Variants in SGK3 observed in about 807,000 individuals in gnomAD.
SGK3 encodes the protein serum/glucocorticoid regulated kinase family member 3, also known as serine/threonine-protein kinase Sgk3.
In SGK3, 47 loss-of-function variants were observed where a neutral mutation model predicts 68.5. The observed-to-expected ratio is 0.69, with a 90% CI of 0.54 to 0.87. The LOEUF is 0.87. Ranked by LOEUF, SGK3 falls within the 40% of genes least tolerant of loss-of-function variation. The pLI is 0.00. For synonymous variants in SGK3, 181 were observed against 189.1 expected, an observed-to-expected ratio of 0.96 and a Z score of 0.35; for missense variants, 479 against 575.5, an observed-to-expected ratio of 0.83 and a Z score of 1.72.
At chr8:66,739,416 C>T (rs1047646433) in intron 1 of SGK3, among the ~76,000 whole-genome samples, 5 of 151,974 alleles carry the variant, frequency 3.3e-5, no homozygotes, top group African/African-American at 9.7e-5. Flanking sequence ...TTTTTTGAGA[C>T]AGAGTTTCAC....
At chr8:66,794,543 C>G (rs1391272288) in intron 2 of SGK3, among the ~76,000 whole-genome samples, 3 of 152,086 alleles carry the variant, frequency 2.0e-5, no homozygotes, top group Admixed American at 6.5e-5. Context: ...TCCCCACCCC[C>G]CTCACCTACT....
intron 2 of SGK3, among the ~76,000 whole-genome samples, chr8:66,797,943 A>G (rs1345620847): frequency 6.6e-6 from 1 of 152,208 alleles, no homozygotes; most frequent in African/African-American, 2.4e-5. Context: ...AATATTTTGT[A>G]ACATTTGAAA....
At chr8:66,801,178 A>G (rs1169870202) in intron 3 of SGK3, among the ~76,000 whole-genome samples, 1 of 152,216 alleles carries the variant, frequency 6.6e-6, no homozygotes, top group Non-Finnish European at 1.5e-5. Context: ...TTTGAGTTAT[A>G]CTTATCAGTT....
intron 8 of SGK3, among the ~76,000 whole-genome samples, chr8:66,835,498 A>C (rs1293844738): frequency 3.2e-4 from 49 of 152,186 alleles, no homozygotes; most frequent in Admixed American, 3.2e-3. Context: ...TCAGGGCTGG[A>C]GCACATGCAT....
At chr8:66,736,716 T>G (rs1805326708) in intron 1 of SGK3, among the ~76,000 whole-genome samples, 1 of 151,206 alleles carries the variant, frequency 6.6e-6, no homozygotes, top group African/African-American at 2.4e-5. Flanking sequence ...GCCTCCAAGG[T>G]TCAAGTGATT....
intron 4 of SGK3, among the ~76,000 whole-genome samples, chr8:66,810,354 G>A (rs1808335534): frequency 1.3e-5 from 2 of 152,044 alleles, no homozygotes; most frequent in South Asian, 4.1e-4. Context: ...TAAAGTAGGC[G>A]AATAAGGTTC....
intron 7 of SGK3, among the ~76,000 whole-genome samples, chr8:66,830,786 C>A (rs1367704596): frequency 6.6e-6 from 1 of 152,116 alleles, no homozygotes; most frequent in Non-Finnish European, 1.5e-5. Context: ...TTATTCTTAG[C>A]GTCTTTACTA....
chr8:66,834,955 A>C (rs975651011), intron 8 of SGK3, among the ~76,000 whole-genome samples: 1 of 151,298 alleles, frequency 6.6e-6, no homozygotes, highest in Non-Finnish European at 1.5e-5. Context: ...AAAAAAAAAA[A>C]AGAAACCAAC....
chr8:66,718,392 A>G (rs1804701972), intron 1 of SGK3, among the ~76,000 whole-genome samples: 1 of 151,840 alleles, frequency 6.6e-6, no homozygotes, highest in Non-Finnish European at 1.5e-5. Context: ...CCAACTCAGC[A>G]TCTATACATG....
At chr8:66,843,206 C>T (rs1809866699) in intron 13 of SGK3, among the ~76,000 whole-genome samples, 1 of 152,176 alleles carries the variant, frequency 6.6e-6, no homozygotes, top group Non-Finnish European at 1.5e-5. Context: ...TCGCGATACT[C>T]TTATTTATTT....
chr8:66,767,696 C>CGG, intron 1 of SGK3: 1 of 1,444,156 alleles, frequency 6.9e-7, no homozygotes, highest in Non-Finnish European at 9.7e-7. Context: ...GAGGCAGGAA[C>CGG]AGAGTTTTTT....
At chr8:66,744,638 G>A (rs1805596283) in intron 1 of SGK3, among the ~76,000 whole-genome samples, 1 of 147,676 alleles carries the variant, frequency 6.8e-6, no homozygotes, top group Non-Finnish European at 1.5e-5. Context: ...CTCCCAAGCA[G>A]CTGGGATTAT....
intron 4 of SGK3, among the ~76,000 whole-genome samples, chr8:66,806,671 G>A (rs1196582233): frequency 6.6e-6 from 1 of 151,964 alleles, no homozygotes; most frequent in East Asian, 1.9e-4. Flanking sequence ...AAATTAGCCA[G>A]GCATAATGGT....
chr8:66,830,302 C>G (rs923328471), intron 7 of SGK3, among the ~76,000 whole-genome samples: 1 of 152,160 alleles, frequency 6.6e-6, no homozygotes, highest in Non-Finnish European at 1.5e-5. Flanking sequence ...TTCAGTACCT[C>G]TGCATATCTT....
chr8:66,778,133 T>C (rs1256002710), intron 1 of SGK3: 2 of 152,246 alleles, frequency 1.3e-5, no homozygotes, highest in African/African-American at 4.8e-5. Flanking sequence ...TGAATGCTGG[T>C]GACTATCATA....
chr8:66,772,431 G>C (rs1269984020), intron 1 of SGK3, among the ~76,000 whole-genome samples: 5 of 150,540 alleles, frequency 3.3e-5, no homozygotes, highest in Non-Finnish European at 7.4e-5. Context: ...GTCTCTCTCT[G>C]TCACCCAGGC....
intron 8 of SGK3, 75 bp downstream of exon 8, chr8:66,831,386 G>T: frequency 6.4e-7 from 1 of 1,558,576 alleles, no homozygotes; most frequent in Non-Finnish European, 8.8e-7. Context: ...TCACTCTGTT[G>T]TCCAGGCTGG....
At chr8:66,736,819 A>G (rs765596644) in intron 1 of SGK3, among the ~76,000 whole-genome samples, 9 of 152,042 alleles carry the variant, frequency 5.9e-5, no homozygotes, top group Non-Finnish European at 8.8e-5. Context: ...GGGTTTCTCC[A>G]TGTTGGTCAG....
chr8:66,748,425 C>G (rs759601078), intron 1 of SGK3, among the ~76,000 whole-genome samples: 3 of 152,072 alleles, frequency 2.0e-5, no homozygotes, highest in African/African-American at 7.2e-5. Flanking sequence ...CTAAGCTACT[C>G]GAGTTTTGGG....
Sources: allele counts gnomAD v4.1 joint callset (sites outside exome capture counted in the v4.1 genomes callset), GRCh38; gene constraint gnomAD v4.1.1; transcripts MANE v1.5; gene names NCBI Gene and HGNC (gene_info 2026-07-23, HGNC 2026-07-21).